The following SYNJ1 variants were observed in gnomAD, a reference collection of about 807,000 sequenced individuals.
The protein encoded by SYNJ1 is polyphosphatidylinositol phosphatase SYNJ1.
Under a neutral mutation model 168.2 loss-of-function variants are expected in SYNJ1, and 78 were observed. That is an observed-to-expected ratio of 0.46 (90% confidence interval 0.39 to 0.56). SYNJ1 has a LOEUF of 0.56. SYNJ1 is among the 20% of genes least tolerant of loss of function. SYNJ1 has a pLI of 0.00. For missense variants in SYNJ1, 1,303 were observed against 1,597.6 expected (o/e 0.82, Z 3.14); for synonymous variants, 539 against 548.6 (o/e 0.98, Z 0.24).
chr21:32,694,409 A>G, intron 5 of SYNJ1, 98 bp from the exon 6 acceptor site: 1 of 830,580 alleles, frequency 1.2e-6, no homozygotes, highest in Non-Finnish European at 1.7e-6. Flanking sequence ...CATACTAGTT[A>G]CATTTTATGA....
rs182427223 is a variant in SYNJ1, at chr21:32,644,569, C to T, written c.3430+399G>A. Among the ~76,000 whole-genome samples the T allele has an allele frequency of 2.3e-3, 344 of 152,264 alleles. 4 individuals are homozygous for T. The highest frequency in any genetic ancestry group is 5.6e-3 in the Admixed American group (86 of 15,302). ...ACTATACTTCAAACAAAAAGTGACC[C>T]TTTGTGAATAAAAATTTCCTTATGA... On this transcript the variant is annotated intron_variant, in intron 26 of 32. Transcript: ENST00000674351.
At position 32,685,785 on chromosome 21, in the gene SYNJ1, A is replaced by T. The variant is rs533216340; in HGVS notation, c.1081T>A (p.Tyr361Asn). The T allele has an allele frequency of 1.0e-4, 163 of 1,609,384 alleles. 1 individual carries two copies. In the East Asian group the frequency reaches 3.1e-3, roughly 30 times the overall value. The part of the protein sequence containing the change: ...LKPQVQKFLD[Y>N]GFFYFNGSEV... ...CTTCCATTGAAATAAAAAAATCCAT[A>T]ATCTAGAAACTTCTGGACTTGAGGT... Residue 361 changes from tyrosine to asparagine, a missense_variant, in exon 9 of 33, where the codon TAT (tyrosine) becomes AAT (asparagine). Around this residue, in one of 2 missense-constraint regions of SYNJ1, gnomAD observed 920 missense variants for 1,208.8 expected, o/e 0.76. Transcript: ENST00000674351.
intron 2 of SYNJ1, among the ~76,000 whole-genome samples, chr21:32,721,317 T>C (rs1329284927): frequency 6.6e-6 from 1 of 152,232 alleles, no homozygotes; most frequent in African/African-American, 2.4e-5. Flanking sequence ...AAGAACTTTT[T>C]AGAAAGTGTT....
At chr21:32,643,003 A>G (rs777629624) in intron 27 of SYNJ1, among the ~76,000 whole-genome samples, 3 of 152,206 alleles carry the variant, frequency 2.0e-5, no homozygotes, top group Non-Finnish European at 4.4e-5. Flanking sequence ...ACAAAATACT[A>G]TATTCTTGGA....
Position 32,639,139 on chromosome 21 carries a change from G to A in SYNJ1, c.3698-14C>T. The A allele has an allele frequency of 1.9e-6, 3 of 1,606,008 alleles. No individual in the cohort carries two copies. The highest frequency in any genetic ancestry group is 2.6e-6 in the Non-Finnish European group (3 of 1,175,306). ...GGAAAGTTGAACCTAAAAAACCAGT[G>A]GTTGTCAGATGTTAGGTATATTCTA... On this transcript the variant is annotated splice_polypyrimidine_tract_variant and intron_variant, in intron 30 of 32. Coordinates refer to ENST00000674351, the MANE Select transcript of SYNJ1 (RefSeq NM_203446.3).
At chr21:32,697,264 T>C (rs1005631693) in intron 4 of SYNJ1, among the ~76,000 whole-genome samples, 15 of 152,216 alleles carry the variant, frequency 9.9e-5, no homozygotes, top group African/African-American at 3.6e-4. Context: ...AATTACATGG[T>C]TGTATCCTGG....
rs1194244831 is a variant in SYNJ1 at position 32,639,797 on chromosome 21, A to G, written c.3589-18T>C. On this transcript the variant is annotated intron_variant, in intron 29 of 32. Coordinates refer to ENST00000674351, the MANE Select transcript of SYNJ1 (RefSeq NM_203446.3). Reference sequence around the variant, plus strand: ...GGAATCGTCTACAGATAGGAAACATAACACTTGAGACATTTACTTACCTTC... The same window carrying G: ...GGAATCGTCTACAGATAGGAAACATGACACTTGAGACATTTACTTACCTTC... The G allele has an allele frequency of 3.8e-6, 6 of 1,597,276 alleles. No individual in the cohort carries two copies. The highest frequency in any genetic ancestry group is 5.1e-6 in the Non-Finnish European group (6 of 1,165,728).
chr21:32,715,508 C>CTA (rs1275822523), intron 2 of SYNJ1, among the ~76,000 whole-genome samples: 1 of 151,832 alleles, frequency 6.6e-6, no homozygotes. Context: ...AAGATTCATT[C>CTA]TACTTATAGT....
chr21:32,728,192 C>T (rs2043567998), upstream of SYNJ1: 4 of 913,954 alleles, frequency 4.4e-6, no homozygotes, highest in Non-Finnish European at 6.3e-6. Context: ...CCTCCTGCGG[C>T]CGCCCCCAGG....
intron 6 of SYNJ1, among the ~76,000 whole-genome samples, chr21:32,689,171 TTTCCC>T (rs1459486924): frequency 6.6e-6 from 1 of 152,214 alleles, no homozygotes; most frequent in Non-Finnish European, 1.5e-5. Flanking sequence ...GACCAGATTA[TTTCCC>T]TGAACTTCAA....
intron 2 of SYNJ1, among the ~76,000 whole-genome samples, chr21:32,709,091 A>T (rs2042722292): frequency 6.6e-6 from 1 of 152,240 alleles, no homozygotes. Context: ...ACAATTAAAA[A>T]GCTAAATAAA....
rs1601312617 is a variant in SYNJ1 at position 32,657,776 on chromosome 21, T to G, written c.2401A>C (p.Thr801Pro). ...AGGACACGGTCTGTCCAGGCAGGGG[T>G]GCGGCACTTTTCACTGGTGTCATAG... ...DDYDTSEKCR[T>P]PAWTDRVLWR... The change falls in exon 19 of 33, where the codon ACC (threonine) becomes CCC (proline). Residue 801 changes from threonine to proline, a missense_variant. Physicochemically the swap from Thr to Pro is conservative, Grantham distance 38. Around this residue, in one of 2 missense-constraint regions of SYNJ1, gnomAD observed 920 missense variants for 1,208.8 expected, o/e 0.76. Coordinates refer to ENST00000674351, the MANE Select transcript of SYNJ1 (RefSeq NM_203446.3). The G allele has an allele frequency of 6.2e-7, 1 of 1,614,060 alleles. No homozygotes were observed. The highest frequency in any genetic ancestry group is 8.5e-7 in the Non-Finnish European group (1 of 1,179,986).
chr21:32,709,450 C>A (rs1029324579), intron 2 of SYNJ1, among the ~76,000 whole-genome samples: 2 of 148,894 alleles, frequency 1.3e-5, no homozygotes, highest in Non-Finnish European at 3.0e-5. Context: ...GCCTTTCCAC[C>A]CTGGGCGACA....
At chr21:32,660,577 A>T (rs925999081) in intron 18 of SYNJ1, among the ~76,000 whole-genome samples, 2 of 152,378 alleles carry the variant, frequency 1.3e-5, no homozygotes, top group Admixed American at 1.3e-4. Context: ...CAACTTCATC[A>T]ATCCACATGG....
intron 17 of SYNJ1, 35 bp from the exon 18 acceptor site, chr21:32,665,106 C>G (rs1472612466): frequency 1.3e-6 from 2 of 1,559,278 alleles, no homozygotes; most frequent in African/African-American, 2.7e-5. Flanking sequence ...AAATTCAAAA[C>G]AATCAATGTT....
chr21:32,648,552 C>CT (rs1303882333), intron 23 of SYNJ1, among the ~76,000 whole-genome samples: 1 of 152,190 alleles, frequency 6.6e-6, no homozygotes, highest in African/African-American at 2.4e-5. Context: ...TCTCTTGGCT[C>CT]TTTGACATTT....
chr21:32,702,051 C>CA lies in SYNJ1; in HGVS notation c.125-5dup, dbSNP rs769191151. The CA allele has an allele frequency of 5.1e-5, 79 of 1,542,210 alleles. No homozygotes were observed. Among genetic ancestry groups the CA allele is most frequent in the Admixed American group, 1.9e-4 (11 of 56,718 alleles). On this transcript the variant is annotated splice_region_variant and splice_polypyrimidine_tract_variant and intron_variant, in intron 2 of 32. Transcript: ENST00000674351. The stretch of plus-strand genomic sequence containing the variant: ...ATTGCCTCTTTTTCTGCAGATGCTA[C>CA]AAAAAAAAGTTTTAGTTTAAGAAAA...
In SYNJ1 at chr21:32,639,132, A is replaced by C; in HGVS notation, c.3698-7T>G. The C allele has an allele frequency of 6.2e-7, 1 of 1,608,678 alleles. No homozygotes were observed. Among genetic ancestry groups the C allele is most frequent in the South Asian group, 1.1e-5 (1 of 90,842 alleles). ...TCAGGAAGGAAAGTTGAACCTAAAAAACCAGTGGTTGTCAGATGTTAGGTA... is the reference window on the plus strand; with the variant it reads ...TCAGGAAGGAAAGTTGAACCTAAAACACCAGTGGTTGTCAGATGTTAGGTA... On this transcript the variant is annotated splice_region_variant and splice_polypyrimidine_tract_variant and intron_variant, in intron 30 of 32. Transcript: ENST00000674351.
intron 26 of SYNJ1, among the ~76,000 whole-genome samples, chr21:32,644,129 C>A (rs1006502288): frequency 6.6e-6 from 1 of 151,348 alleles, no homozygotes; most frequent in African/African-American, 2.5e-5. Context: ...TAAATAAAAG[C>A]AGGAGCTTGA....
Sources: gnomAD v4.1 joint callset for allele counts (sites outside exome capture counted in the v4.1 genomes callset) on GRCh38, gnomAD v4.1.1 for gene constraint, gnomAD v4.1.1 regional missense constraint, MANE v1.5 for transcripts, NCBI Gene and HGNC (gene_info 2026-07-23, HGNC 2026-07-21) for gene names.